The following STEAP4 variants were observed in gnomAD, a reference collection of about 807,000 sequenced individuals.
STEAP4 encodes the protein metalloreductase STEAP4.
In STEAP4, 36 loss-of-function variants were observed where a neutral mutation model predicts 43.6. That is an observed-to-expected ratio of 0.83 (90% CI 0.63 to 1.09). STEAP4 has a LOEUF of 1.09. STEAP4 is among the 50% of genes least tolerant of loss of function. The pLI, the probability that STEAP4 is intolerant of heterozygous loss-of-function variation, is 0.00. For synonymous variants in STEAP4, 191 were observed against 196.7 expected (o/e 0.97, Z 0.24); for missense variants, 495 against 546.5 (o/e 0.91, Z 0.94).
intron 4 of STEAP4, 126 bp downstream of exon 4, chr7:88,280,789 T>C (rs1027542302): frequency 1.0e-6 from 1 of 999,650 alleles, no homozygotes; most frequent in Non-Finnish European, 1.5e-6. Flanking sequence ...TATTAAGAAA[T>C]CAAATCATTA....
In STEAP4 at chr7:88,273,789, T is replaced by C. The variant is rs902476898; in HGVS notation, c.*5609A>G. 3 of 152,168 alleles carry C rather than the reference T, an allele frequency of 2.0e-5. No individual in the cohort carries two copies. The highest frequency in any genetic ancestry group is 2.0e-4 in the Admixed American group (3 of 15,274). 9.4% of individuals were successfully genotyped at this position (152,168 alleles called of 1,614,324 possible). A position where few individuals can be genotyped will look rare whatever the true frequency, so the allele number is the denominator to read the frequency against. On this transcript the variant is annotated 3_prime_UTR_variant, in exon 5 of 5. Coordinates refer to ENST00000380079, the MANE Select transcript of STEAP4 (RefSeq NM_024636.4). ...TCCCTTTAGAGTTTAGGAAACCTTG[T>C]GGCCAGACTAGAGTGGGAAGATTAA...
chr7:88,302,013 A>G (rs1266075023), intron 1 of STEAP4, among the ~76,000 whole-genome samples: 2 of 152,264 alleles, frequency 1.3e-5, no homozygotes, highest in Admixed American at 1.3e-4. Flanking sequence ...TTTAAATAAA[A>G]TGTTATAATA....
Position 88,272,805 on chromosome 7 carries a change from A to G in STEAP4, c.*6593T>C, listed in dbSNP as rs1852456348. On this transcript the variant is annotated 3_prime_UTR_variant, in exon 5 of 5. Transcript: ENST00000380079. The stretch of plus-strand genomic sequence containing the variant: ...AATGGGTAGAAGTACAACTAGGGAA[A>G]CTTTGGTTATCTACAGAGAGAACTC... 6.6e-6 allele frequency: 1 copy of G among 152,272 alleles called. No individual in the cohort carries two copies. Among genetic ancestry groups the G allele is most frequent in the South Asian group, 2.1e-4 (1 of 4,816 alleles). The allele number at this position is 152,272 out of a possible 1,614,324, so 9.4% of individuals were successfully genotyped here.
chr7:88,298,509 A>C (rs1173915851), intron 1 of STEAP4, among the ~76,000 whole-genome samples: 4 of 146,212 alleles, frequency 2.7e-5, no homozygotes, highest in Admixed American at 1.4e-4. Flanking sequence ...ACACACACAC[A>C]CCTTTTACTC....
At chr7:88,306,091 A>G (rs1174227564) in intron 1 of STEAP4, among the ~76,000 whole-genome samples, 1 of 152,092 alleles carries the variant, frequency 6.6e-6, no homozygotes, top group Non-Finnish European at 1.5e-5. Context: ...CTGGTCTCGA[A>G]CTCCTGACCT....
rs2115931515 is a variant in STEAP4, at chr7:88,275,745, C to T, written c.*3653G>A. On this transcript the variant is annotated 3_prime_UTR_variant, in exon 5 of 5. Transcript: ENST00000380079. ...ACACCTTAATTTTGGAACAGAGTTCCAGAAGCTTTTATGCTCTCAGAGGTG... is the reference window on the plus strand; with the variant it reads ...ACACCTTAATTTTGGAACAGAGTTCTAGAAGCTTTTATGCTCTCAGAGGTG... 1 of 152,010 alleles carries T rather than the reference C, an allele frequency of 6.6e-6. No individual in the cohort carries two copies. The highest frequency in any genetic ancestry group is 2.1e-4 in the South Asian group (1 of 4,804). The allele number at this position is 152,010 out of a possible 1,614,324, so 9.4% of individuals were successfully genotyped here. A position where few individuals can be genotyped will look rare whatever the true frequency, so the allele number is the denominator to read the frequency against.
At chr7:88,297,746 A>T (rs1444887514) in intron 1 of STEAP4, among the ~76,000 whole-genome samples, 1 of 152,104 alleles carries the variant, frequency 6.6e-6, no homozygotes, top group Non-Finnish European at 1.5e-5. Flanking sequence ...TGTATGAACT[A>T]ACTGTGGTAG....
intron 1 of STEAP4, among the ~76,000 whole-genome samples, chr7:88,285,571 T>G (rs1396428489): frequency 6.6e-6 from 1 of 151,950 alleles, no homozygotes; most frequent in Non-Finnish European, 1.5e-5. Flanking sequence ...ATCCCAGCAC[T>G]TTGGGAGGCC....
rs1268846366 is a variant in STEAP4 at position 88,282,791 on chromosome 7, T to G, written c.834A>C (p.Arg278=). Residue 278 remains arginine, a synonymous_variant, in exon 3 of 5, where the codon CGA becomes CGC. Transcript: ENST00000380079. ...LQLYRGTKYR[R]FPDWLDHWML... is the part of the protein sequence containing the mutation. ...TCCAGTGGTCAAGCCAGTCTGGGAA[T>G]CGACGGTATTTTGTGCCTCGGTACA... 38 of 1,614,048 alleles carry G rather than the reference T, an allele frequency of 2.4e-5. No individual in the cohort carries two copies. Among genetic ancestry groups the G allele is most frequent in the Non-Finnish European group, 3.2e-5 (38 of 1,180,044 alleles).
rs948145368 is a variant in STEAP4, at chr7:88,281,696, A to G, written c.985-617T>C. 1.3e-5 allele frequency: 2 copies of G among 152,198 alleles called. 1 individual carries two copies. 9.4% of individuals were successfully genotyped at this position (152,198 alleles called of 1,614,324 possible). A position where few individuals can be genotyped will look rare whatever the true frequency, so the allele number is the denominator to read the frequency against. On this transcript the variant is annotated intron_variant, in intron 3 of 4. Transcript: ENST00000380079. Reference sequence around the variant, plus strand: ...ATCTATCAAAACTAGCTATTTCTAAACTAGAACTGACTTATAGCACTTCCT... The same window carrying G: ...ATCTATCAAAACTAGCTATTTCTAAGCTAGAACTGACTTATAGCACTTCCT...
At chr7:88,290,172 A>G (rs1181706366) in intron 1 of STEAP4, 1 of 152,196 alleles carries the variant, frequency 6.6e-6, no homozygotes, top group Non-Finnish European at 1.5e-5. Context: ...TTGCAAAGAG[A>G]GAGTGATTCC....
Position 88,279,196 on chromosome 7 carries a change from C to T in STEAP4, c.*202G>A. 1.7e-6 allele frequency: 1 copy of T among 576,296 alleles called. No individual in the cohort carries two copies. The highest frequency in any genetic ancestry group is 3.0e-5 in the East Asian group (1 of 33,504). The allele number at this position is 576,296 out of a possible 1,614,324, so 35.7% of individuals were successfully genotyped here. On this transcript the variant is annotated 3_prime_UTR_variant, in exon 5 of 5. Coordinates refer to ENST00000380079, the MANE Select transcript of STEAP4 (RefSeq NM_024636.4). ...GTCAGGGACCTGCACTGATTCTTCA[C>T]TAACCTGAGATAAAATGGTGTTCTC...
In STEAP4 at chr7:88,275,722, A is replaced by G. The variant is rs906743838; in HGVS notation, c.*3676T>C. ...TGTGCAGTACCATGACTGCCATTAC[A>G]CCTTAATTTTGGAACAGAGTTCCAG... is the stretch of plus-strand genomic sequence containing the variant. On this transcript the variant is annotated 3_prime_UTR_variant, in exon 5 of 5. Transcript: ENST00000380079. The G allele has an allele frequency of 6.6e-6, 1 of 151,874 alleles. No homozygotes were observed. The highest frequency in any genetic ancestry group is 2.4e-5 in the African/African-American group (1 of 41,334). The allele number at this position is 151,874 out of a possible 1,614,324, so 9.4% of individuals were successfully genotyped here. A position where few individuals can be genotyped will look rare whatever the true frequency, so the allele number is the denominator to read the frequency against.
At chr7:88,283,642 C>G in intron 2 of STEAP4, 172 bp downstream of exon 2, 3 of 720,074 alleles carry the variant, frequency 4.2e-6, no homozygotes, top group South Asian at 1.9e-5. Context: ...GGAGATATAA[C>G]AGTTGACCAC....
chr7:88,302,680 G>A (rs896448700), intron 1 of STEAP4, among the ~76,000 whole-genome samples: 5 of 151,626 alleles, frequency 3.3e-5, no homozygotes, highest in Non-Finnish European at 7.4e-5. Context: ...CTGGCCAGGT[G>A]CGGTCACTCA....
chr7:88,304,670 G>C (rs1228811624), intron 1 of STEAP4, among the ~76,000 whole-genome samples: 1 of 151,158 alleles, frequency 6.6e-6, no homozygotes, highest in Non-Finnish European at 1.5e-5. Flanking sequence ...GTGTGTGTTT[G>C]CTAGCAACTT....
At position 88,282,884 on chromosome 7, in the gene STEAP4, A is replaced by G; in HGVS notation, c.741T>C (p.Phe247=). ...RMAISIPNRI[F]PITALTLLAL... ...CAAGCAGTGTAAGTGCTGTTATTGG[A>G]AAGATACGATTTGGAATGGAAATAG... The change falls in exon 3 of 5, where the codon TTT becomes TTC. Residue 247 remains phenylalanine (F), a synonymous_variant. Transcript: ENST00000380079. 6.2e-7 allele frequency: 1 copy of G among 1,614,236 alleles called. No homozygotes were observed. The highest frequency in any genetic ancestry group is 8.5e-7 in the Non-Finnish European group (1 of 1,180,046).
At chr7:88,306,399 T>C (rs1853132715) in intron 1 of STEAP4, among the ~76,000 whole-genome samples, 1 of 152,236 alleles carries the variant, frequency 6.6e-6, no homozygotes, top group Non-Finnish European at 1.5e-5. Context: ...GACAAATTTT[T>C]AGTGCCTGGT....
At chr7:88,299,500 A>G (rs1054555132) in intron 1 of STEAP4, among the ~76,000 whole-genome samples, 4 of 152,230 alleles carry the variant, frequency 2.6e-5, no homozygotes, top group Admixed American at 6.5e-5. Context: ...GACCAGGACC[A>G]GTGGATTGCC....
Sources: gnomAD v4.1 joint callset for allele counts (sites outside exome capture counted in the v4.1 genomes callset) on GRCh38, gnomAD v4.1.1 for gene constraint, MANE v1.5 for transcripts, NCBI Gene and HGNC (gene_info 2026-07-23, HGNC 2026-07-21) for gene names.